Variants in LRRTM4 observed in about 807,000 individuals in gnomAD.
LRRTM4 encodes leucine-rich repeat transmembrane neuronal protein 4.
In LRRTM4, 25 loss-of-function variants were observed where a neutral mutation model predicts 47.6. The ratio of observed to expected loss-of-function variants is 0.53; its 90% confidence interval spans 0.38 to 0.73. LRRTM4 has a LOEUF of 0.73. LRRTM4 is among the 30% of genes least tolerant of loss of function. The pLI, the probability that LRRTM4 is intolerant of heterozygous loss-of-function variation, is 0.00. For synonymous variants in LRRTM4, 311 were observed against 269.5 expected (o/e 1.15, Z -1.51); for missense variants, 638 against 713.4 (o/e 0.89, Z 1.20).
intron 3 of LRRTM4, among the ~76,000 whole-genome samples, chr2:77,295,515 T>C (rs1304225154): frequency 6.6e-6 from 1 of 152,178 alleles, no homozygotes; most frequent in Non-Finnish European, 1.5e-5. Flanking sequence ...CTGTATGACA[T>C]GACCATCATT....
At chr2:77,248,701 TA>T (rs1223719866) in intron 3 of LRRTM4, among the ~76,000 whole-genome samples, 1 of 152,016 alleles carries the variant, frequency 6.6e-6, no homozygotes, top group African/African-American at 2.4e-5. Flanking sequence ...AATCGATAAA[TA>T]GACCAATGAA....
chr2:77,003,738 A>C (rs1297885963), intron 3 of LRRTM4, among the ~76,000 whole-genome samples: 1 of 152,166 alleles, frequency 6.6e-6, no homozygotes, highest in Non-Finnish European at 1.5e-5. Flanking sequence ...TGCTGTAAAG[A>C]CACCTGAAAA....
In LRRTM4 at chr2:76,989,588, G is replaced by T. The variant is rs1361698638; in HGVS notation, c.1552-240672C>A. 3.3e-5 allele frequency among the ~76,000 whole-genome samples: 5 copies of T among 151,756 alleles called. No homozygotes were observed. In the Admixed American group the frequency reaches 3.3e-4, roughly 10 times the overall value. The stretch of plus-strand genomic sequence containing the variant: ...GCATGTTCTGGAGCAATCTTTCCCT[G>T]TCTTTGCAATGAATAGTTAGCCTGT... On this transcript the variant is annotated intron_variant, in intron 3 of 3. Coordinates refer to ENST00000409884, the MANE Select transcript of LRRTM4 (RefSeq NM_001134745.3).
At chr2:77,452,395 G>T (rs991589146) in intron 3 of LRRTM4, among the ~76,000 whole-genome samples, 5 of 152,282 alleles carry the variant, frequency 3.3e-5, no homozygotes, top group South Asian at 2.1e-4. Context: ...AATGTTGAGG[G>T]TCTTAAGAAT....
chr2:77,517,685 A>C, intron 3 of LRRTM4: 1 of 949,428 alleles, frequency 1.1e-6, no homozygotes, highest in Non-Finnish European at 1.2e-6. Flanking sequence ...GAAAGTAGGA[A>C]AGAAGGAAAC....
intron 3 of LRRTM4, among the ~76,000 whole-genome samples, chr2:76,872,022 T>C (rs2104057570): frequency 6.6e-6 from 1 of 152,298 alleles, no homozygotes; most frequent in Admixed American, 6.5e-5. Context: ...GCAGAAGACC[T>C]AGCTAAGCCA....
intron 3 of LRRTM4, among the ~76,000 whole-genome samples, chr2:77,239,498 G>T (rs1675199892): frequency 6.6e-6 from 1 of 151,898 alleles, no homozygotes; most frequent in Admixed American, 6.6e-5. Flanking sequence ...ATTGTCAGAT[G>T]ATTGGATATA....
At chr2:77,498,885 A>C (rs190086459) in intron 3 of LRRTM4, among the ~76,000 whole-genome samples, 16 of 151,994 alleles carry the variant, frequency 1.1e-4, no homozygotes, top group Admixed American at 9.9e-4. Flanking sequence ...CTGCACACAG[A>C]AATTCTCTCA....
intron 3 of LRRTM4, among the ~76,000 whole-genome samples, chr2:77,335,165 G>A (rs184544839): frequency 7.2e-5 from 11 of 152,196 alleles, no homozygotes; most frequent in Admixed American, 6.5e-4. Flanking sequence ...AATTGATATA[G>A]CATGGAATTT....
At chr2:77,219,359 C>T (rs907162429) in intron 3 of LRRTM4, among the ~76,000 whole-genome samples, 1 of 152,104 alleles carries the variant, frequency 6.6e-6, no homozygotes, top group African/African-American at 2.4e-5. Flanking sequence ...CCAAAGAGTA[C>T]AGCCTGTTGA....
At chr2:77,476,980 GTGTGTGTGTGTGTGTGTA>G (rs1212377510) in intron 3 of LRRTM4, among the ~76,000 whole-genome samples, 2 of 151,278 alleles carry the variant, frequency 1.3e-5, no homozygotes, top group Non-Finnish European at 3.0e-5. Context: ...GTGTGTGTGT[GTGTGTGTGTGTGTGTGTA>G]TGTGTGTACT....
At chr2:77,130,735 T>C (rs1671773171) in intron 3 of LRRTM4, among the ~76,000 whole-genome samples, 1 of 149,812 alleles carries the variant, frequency 6.7e-6, no homozygotes, top group Non-Finnish European at 1.5e-5. Flanking sequence ...ATGGTCTCAA[T>C]CTCCTGACCT....
chr2:76,796,020 G>T (rs376838392), intron 3 of LRRTM4, among the ~76,000 whole-genome samples: 20,123 of 112,236 alleles, frequency 0.18, 3,253 homozygotes, highest in East Asian at 0.36. Flanking sequence ...AAGGGGTCAC[G>T]GAGTTCCCTT....
At chr2:77,212,476 G>T (rs1176790) in intron 3 of LRRTM4, among the ~76,000 whole-genome samples, 8,555 of 139,580 alleles carry the variant, frequency 0.061, 262 homozygotes, top group African/African-American at 0.13. Flanking sequence ...TATATATATA[G>T]AGAGAGAGAG....
intron 3 of LRRTM4, among the ~76,000 whole-genome samples, chr2:76,813,622 A>C (rs1266211897): frequency 6.6e-6 from 1 of 152,176 alleles, no homozygotes. Flanking sequence ...CAAAATGATG[A>C]AGTAGGCCAA....
At chr2:77,177,590 C>T (rs1673235085) in intron 3 of LRRTM4, among the ~76,000 whole-genome samples, 1 of 152,280 alleles carries the variant, frequency 6.6e-6, no homozygotes, top group Admixed American at 6.5e-5. Flanking sequence ...TCAGTCTACC[C>T]ATAGTCATGA....
intron 3 of LRRTM4, among the ~76,000 whole-genome samples, chr2:76,893,698 T>C (rs1673323567): frequency 6.6e-6 from 1 of 151,870 alleles, no homozygotes; most frequent in South Asian, 2.1e-4. Context: ...CTGGCAAGTT[T>C]GACCCAATAA....
At chr2:76,833,953 A>C (rs1161185699) in intron 3 of LRRTM4, among the ~76,000 whole-genome samples, 3 of 151,448 alleles carry the variant, frequency 2.0e-5, no homozygotes, top group African/African-American at 4.8e-5. Context: ...TTTAAAAAGG[A>C]TGTATATTGT....
At chr2:77,324,212 C>G (rs1021920067) in intron 3 of LRRTM4, among the ~76,000 whole-genome samples, 4 of 152,000 alleles carry the variant, frequency 2.6e-5, no homozygotes, top group African/African-American at 9.7e-5. Flanking sequence ...TTTTTCTCGA[C>G]AAATATTTAT....
Sources: gnomAD v4.1 joint callset for allele counts (sites outside exome capture counted in the v4.1 genomes callset) on GRCh38, gnomAD v4.1.1 for gene constraint, MANE v1.5 for transcripts, NCBI Gene and HGNC (gene_info 2026-07-23, HGNC 2026-07-21) for gene names.